PLPP4: variants seen among roughly 807,000 people sequenced by gnomAD.
PLPP4 encodes diacylglycerol pyrophosphate like 2.
A neutral mutation model predicts 32.2 loss-of-function variants in PLPP4; 20 were observed. That is an observed-to-expected ratio of 0.62 (90% CI 0.44 to 0.90). The LOEUF (loss-of-function observed/expected upper bound fraction) is 0.90, where lower values mean the gene tolerates loss of function less well. Ranked by LOEUF, PLPP4 falls within the 40% of genes least tolerant of loss-of-function variation. The probability of loss-of-function intolerance (pLI) is 0.00; values close to 1 mark genes in which losing one functional copy is unlikely to be tolerated. For synonymous variants in PLPP4, 127 were observed against 133.0 expected (o/e 0.95, Z 0.31); for missense variants, 257 against 353.1 (o/e 0.73, Z 2.18).
In PLPP4 at chr10:120,575,183, C is replaced by A; in HGVS notation, c.498C>A (p.His166Gln). The A allele has an allele frequency of 6.2e-7, 1 of 1,614,022 alleles. No homozygotes were observed. Among genetic ancestry groups the A allele is most frequent in the Non-Finnish European group, 8.5e-7 (1 of 1,180,038 alleles). ...CGTTCTACTTGGCGGGCAAGCTGCA[C>A]TGCTTCACCGAGAGTGGGCGGGGAA... ...FTTFYLAGKL[H>Q]CFTESGRGKS... Residue 166 changes from histidine to glutamine, a missense_variant, in exon 6 of 7, where the codon CAC becomes CAA. Transcript: ENST00000398250.
At chr10:120,500,979 C>G (rs946416886) in intron 1 of PLPP4, among the ~76,000 whole-genome samples, 2 of 152,110 alleles carry the variant, frequency 1.3e-5, no homozygotes, top group African/African-American at 4.8e-5. Context: ...CCCCCCACCC[C>G]CAGAATAGGA....
intron 2 of PLPP4, among the ~76,000 whole-genome samples, chr10:120,507,225 C>T (rs1845529766): frequency 6.6e-6 from 1 of 152,040 alleles, no homozygotes; most frequent in Non-Finnish European, 1.5e-5. Context: ...TCCAATGAGA[C>T]TTGGGAGGTA....
At chr10:120,512,520 C>T (rs1003791575) in intron 2 of PLPP4, among the ~76,000 whole-genome samples, 3 of 152,222 alleles carry the variant, frequency 2.0e-5, no homozygotes, top group African/African-American at 7.2e-5. Context: ...GAGGAGTCCC[C>T]GAGATAATTT....
intron 5 of PLPP4, among the ~76,000 whole-genome samples, chr10:120,523,077 C>T (rs1339164600): frequency 1.3e-5 from 2 of 152,128 alleles, no homozygotes; most frequent in African/African-American, 4.8e-5. Context: ...GCGGGTGGAT[C>T]ACGAGGTCAG....
intron 1 of PLPP4, among the ~76,000 whole-genome samples, chr10:120,475,037 A>G (rs1406246484): frequency 6.6e-6 from 1 of 152,146 alleles, no homozygotes; most frequent in Non-Finnish European, 1.5e-5. Context: ...GGGAGGGGGA[A>G]GAAAGGGGCT....
chr10:120,458,052 C>T (rs1297850124), intron 1 of PLPP4, among the ~76,000 whole-genome samples: 1 of 152,156 alleles, frequency 6.6e-6, no homozygotes, highest in Non-Finnish European at 1.5e-5. Context: ...ACAGCGATCC[C>T]GAAAAGAAGA....
intron 1 of PLPP4, among the ~76,000 whole-genome samples, chr10:120,481,239 A>G (rs544279362): frequency 3.8e-4 from 58 of 152,332 alleles, no homozygotes; most frequent in Non-Finnish European, 5.3e-4. Context: ...TGGAAAGCAC[A>G]TGGTGGAACT....
rs141965184 is a variant in PLPP4 at position 120,590,711 on chromosome 10, C to T, written c.*1209C>T. On this transcript the variant is annotated 3_prime_UTR_variant, in exon 7 of 7. Coordinates refer to ENST00000398250, the MANE Select transcript of PLPP4 (RefSeq NM_001030059.3). ...TGATTGGATGTACCATGTGGTTGTT[C>T]AGATTCCTGGGCCTGGGTGCTACGA... 3.0e-3 allele frequency among the ~76,000 whole-genome samples: 458 copies of T among 151,306 alleles called. 2 individuals are homozygous for T. The highest frequency in any genetic ancestry group is 5.2e-3 in the Non-Finnish European group (353 of 67,916).
chr10:120,578,023 A>G (rs1849302560), intron 6 of PLPP4, among the ~76,000 whole-genome samples: 1 of 152,204 alleles, frequency 6.6e-6, no homozygotes, highest in African/African-American at 2.4e-5. Flanking sequence ...TAGGGATGCT[A>G]CTAAATGTCC....
intron 5 of PLPP4, among the ~76,000 whole-genome samples, chr10:120,523,401 GT>G (rs1360594191): frequency 6.6e-6 from 1 of 152,076 alleles, no homozygotes; most frequent in East Asian, 1.9e-4. Context: ...CTCTAAACAT[GT>G]TTTTTTCCTC....
intron 1 of PLPP4, among the ~76,000 whole-genome samples, chr10:120,488,259 C>G (rs1226073710): frequency 6.6e-6 from 1 of 152,180 alleles, no homozygotes; most frequent in Non-Finnish European, 1.5e-5. Flanking sequence ...TTATTTGAAG[C>G]CTTAAAACAG....
chr10:120,579,833 C>T (rs151283967), intron 6 of PLPP4, among the ~76,000 whole-genome samples: 2,442 of 151,494 alleles, frequency 0.016, 74 homozygotes, highest in African/African-American at 0.057. Context: ...TGGGGCCGGG[C>T]GCGGTGGCTC....
At chr10:120,459,298 G>A (rs1343702772) in intron 1 of PLPP4, among the ~76,000 whole-genome samples, 1 of 152,276 alleles carries the variant, frequency 6.6e-6, no homozygotes, top group South Asian at 2.1e-4. Flanking sequence ...TTATCAAGTT[G>A]TTAACAGTGT....
At chr10:120,495,108 T>G (rs1267242678) in intron 1 of PLPP4, among the ~76,000 whole-genome samples, 1 of 152,198 alleles carries the variant, frequency 6.6e-6, no homozygotes, top group Non-Finnish European at 1.5e-5. Flanking sequence ...AGGCAAGACA[T>G]CTGACATCTT....
intron 1 of PLPP4, among the ~76,000 whole-genome samples, chr10:120,498,944 G>T (rs1050452091): frequency 5.3e-5 from 8 of 152,152 alleles, no homozygotes; most frequent in Admixed American, 2.6e-4. Context: ...TCTTAATGAA[G>T]GCTTTGCAGA....
At chr10:120,564,712 A>G (rs1220534481) in intron 5 of PLPP4, among the ~76,000 whole-genome samples, 1 of 152,098 alleles carries the variant, frequency 6.6e-6, no homozygotes, top group East Asian at 1.9e-4. Flanking sequence ...TGTGTAAGTC[A>G]TGATCATCTT....
chr10:120,500,292 G>A (rs1845181142), intron 1 of PLPP4, among the ~76,000 whole-genome samples: 2 of 152,274 alleles, frequency 1.3e-5, no homozygotes, highest in Admixed American at 6.5e-5. Context: ...CCCTGTGGCC[G>A]GTTGTGTGAG....
At chr10:120,466,809 G>T (rs1170768693) in intron 1 of PLPP4, among the ~76,000 whole-genome samples, 2 of 152,162 alleles carry the variant, frequency 1.3e-5, no homozygotes, top group Non-Finnish European at 2.9e-5. Context: ...GATGTAAGCT[G>T]TGCCAGGTAC....
At chr10:120,509,725 C>T (rs542756400) in intron 2 of PLPP4, among the ~76,000 whole-genome samples, 26 of 152,284 alleles carry the variant, frequency 1.7e-4, no homozygotes, top group Admixed American at 4.6e-4. Flanking sequence ...TAATATTTTC[C>T]ATAGCAGAAT....
Sources: allele counts gnomAD v4.1 joint callset (sites outside exome capture counted in the v4.1 genomes callset), GRCh38; gene constraint gnomAD v4.1.1; transcripts MANE v1.5; gene names NCBI Gene and HGNC (gene_info 2026-07-23, HGNC 2026-07-21).